HIBADH: variants seen among roughly 807,000 people sequenced by gnomAD.
HIBADH encodes 3-hydroxyisobutyrate dehydrogenase.
A neutral mutation model predicts 36.1 loss-of-function variants in HIBADH; 25 were observed. That is an observed-to-expected ratio of 0.69 (90% CI 0.50 to 0.97). The LOEUF is 0.97. Ranked by LOEUF, HIBADH falls within the 50% of genes least tolerant of loss-of-function variation. HIBADH has a pLI of 0.00. For synonymous variants in HIBADH, 160 were observed against 149.5 expected, an observed-to-expected ratio of 1.07 and a Z score of -0.51; for missense variants, 421 against 418.0, an observed-to-expected ratio of 1.01 and a Z score of -0.06.
intron 4 of HIBADH, among the ~76,000 whole-genome samples, chr7:27,565,823 A>G (rs1038420776): frequency 2.0e-5 from 3 of 152,048 alleles, no homozygotes; most frequent in Non-Finnish European, 4.4e-5. Flanking sequence ...GTTCCCTTCT[A>G]TTCCTAGTTT....
At chr7:27,527,377 A>G (rs1473859580) in intron 7 of HIBADH, among the ~76,000 whole-genome samples, 1 of 152,190 alleles carries the variant, frequency 6.6e-6, no homozygotes, top group African/African-American at 2.4e-5. Context: ...ATCAGTTAAG[A>G]TGTATTTGTG....
chr7:27,542,599 G>A (rs1284095709), intron 5 of HIBADH, among the ~76,000 whole-genome samples: 2 of 151,662 alleles, frequency 1.3e-5, no homozygotes, highest in Non-Finnish European at 2.9e-5. Flanking sequence ...CTATAAGTGT[G>A]TGTCACCACA....
At chr7:27,581,504 A>T in intron 4 of HIBADH, among the ~76,000 whole-genome samples, 1 of 152,178 alleles carries the variant, frequency 6.6e-6, no homozygotes, top group East Asian at 1.9e-4. Flanking sequence ...TTCCTTTAGA[A>T]TTATTCAATT....
chr7:27,596,209 G>C (rs1213441055), intron 4 of HIBADH, among the ~76,000 whole-genome samples: 1 of 152,152 alleles, frequency 6.6e-6, no homozygotes. Flanking sequence ...GTGTCCTCTG[G>C]AGGGGAGGCA....
At chr7:27,580,143 T>C (rs1407392139) in intron 4 of HIBADH, among the ~76,000 whole-genome samples, 1 of 152,198 alleles carries the variant, frequency 6.6e-6, no homozygotes, top group African/African-American at 2.4e-5. Context: ...TTCCCCTGAT[T>C]TTAATGAAAG....
intron 4 of HIBADH, among the ~76,000 whole-genome samples, 169 bp from the exon 5 acceptor site, chr7:27,543,269 A>G (rs1375550835): frequency 6.6e-6 from 1 of 152,218 alleles, no homozygotes; most frequent in African/African-American, 2.4e-5. Flanking sequence ...TCAGCAATCA[A>G]GTATCACCCA....
At chr7:27,648,206 T>C (rs1786111984) in intron 2 of HIBADH, among the ~76,000 whole-genome samples, 2 of 152,204 alleles carry the variant, frequency 1.3e-5, no homozygotes, top group South Asian at 4.1e-4. Context: ...TTCTCTACTA[T>C]ACGACTGATC....
intron 6 of HIBADH, among the ~76,000 whole-genome samples, chr7:27,532,676 C>T (rs1349943155): frequency 6.6e-6 from 1 of 152,170 alleles, no homozygotes; most frequent in African/African-American, 2.4e-5. Context: ...ATGGATTTTA[C>T]TAAGGATTGT....
chr7:27,629,796 A>T (rs1785715159), intron 3 of HIBADH, among the ~76,000 whole-genome samples: 1 of 152,174 alleles, frequency 6.6e-6, no homozygotes, highest in Non-Finnish European at 1.5e-5. Context: ...ATAAACATGA[A>T]GCTAAGATGT....
Position 27,652,508 on chromosome 7 carries a change from A to G in HIBADH, c.92-2875T>C, listed in dbSNP as rs536623525. Among the ~76,000 whole-genome samples, 3 of 152,320 alleles carry G rather than the reference A, an allele frequency of 2.0e-5. No homozygotes were observed. In the South Asian group the frequency reaches 6.2e-4, roughly 32 times the overall value. ...AGCCTGGAGGCAAGAAGACCAATAT[A>G]AAAGTGACAGTAATCCTCTAGATGC... On this transcript the variant is annotated intron_variant, in intron 1 of 7. Transcript: ENST00000265395.
intron 2 of HIBADH, among the ~76,000 whole-genome samples, chr7:27,640,519 G>A (rs1172015246): frequency 6.6e-6 from 1 of 152,198 alleles, no homozygotes; most frequent in African/African-American, 2.4e-5. Flanking sequence ...GACAGAGAGA[G>A]ACCCTGTCTC....
rs999699792 is a variant in HIBADH, at chr7:27,662,776, A to C, written c.13T>G (p.Leu5Val). 46 of 1,464,348 alleles carry C rather than the reference A, an allele frequency of 3.1e-5. No homozygotes were observed. The highest frequency in any genetic ancestry group is 4.1e-5 in the Non-Finnish European group (45 of 1,107,304). 90.7% of individuals were successfully genotyped at this position (1,464,348 alleles called of 1,614,324 possible). The change falls in exon 1 of 8, where the codon TTA (leucine) becomes GTA (valine). Residue 5 changes from leucine (L) to valine (V), a missense_variant. Coordinates refer to ENST00000265395, the MANE Select transcript of HIBADH (RefSeq NM_152740.4). The stretch of plus-strand genomic sequence containing the variant: ...CCGGAGGCAGCTCCGAGGAGCCGTA[A>C]GGAGGCTGCCATGCTGCGCCCGCCC... MAASLRLLGAASGLR... is the reference protein window; with the variant it reads MAASVRLLGAASGLR...
At chr7:27,586,369 A>AGAAG (rs1163002988) in intron 4 of HIBADH, among the ~76,000 whole-genome samples, 1 of 138,566 alleles carries the variant, frequency 7.2e-6, no homozygotes, top group Admixed American at 7.2e-5. Context: ...AGGGAGAGAG[A>AGAAG]GAAGGAAGGA....
intron 4 of HIBADH, among the ~76,000 whole-genome samples, chr7:27,618,217 G>T (rs1475807124): frequency 6.6e-6 from 1 of 152,172 alleles, no homozygotes; most frequent in East Asian, 1.9e-4. Flanking sequence ...GGCCAGGCAA[G>T]CTGGAGGGCT....
intron 4 of HIBADH, among the ~76,000 whole-genome samples, chr7:27,594,106 T>C (rs1583586759): frequency 2.0e-5 from 3 of 150,434 alleles, no homozygotes; most frequent in East Asian, 3.9e-4. Context: ...GAATAAGCTG[T>C]TGAAGAAATG....
At chr7:27,568,624 AT>A (rs201618024) in intron 4 of HIBADH, among the ~76,000 whole-genome samples, 6 of 151,528 alleles carry the variant, frequency 4.0e-5, no homozygotes, top group Admixed American at 3.3e-4. Context: ...GGCCCAGCTA[AT>A]TTTTTTTTAA....
intron 4 of HIBADH, among the ~76,000 whole-genome samples, chr7:27,560,890 C>A (rs1784456500): frequency 6.6e-6 from 1 of 152,144 alleles, no homozygotes; most frequent in South Asian, 2.1e-4. Context: ...TATCATTTTC[C>A]ACAGTGGTTG....
intron 4 of HIBADH, among the ~76,000 whole-genome samples, chr7:27,552,475 T>C (rs1327386615): frequency 6.6e-6 from 1 of 152,204 alleles, no homozygotes; most frequent in African/African-American, 2.4e-5. Flanking sequence ...ATCATTATTT[T>C]TCAGAGTAAG....
chr7:27,562,759 T>C (rs921849848), intron 4 of HIBADH, among the ~76,000 whole-genome samples: 1 of 152,206 alleles, frequency 6.6e-6, no homozygotes, highest in Non-Finnish European at 1.5e-5. Context: ...CACTCAGCCT[T>C]TGCCATTTCT....
Sources: allele counts gnomAD v4.1 joint callset (sites outside exome capture counted in the v4.1 genomes callset), GRCh38; gene constraint gnomAD v4.1.1; transcripts MANE v1.5; gene names NCBI Gene and HGNC (gene_info 2026-07-23, HGNC 2026-07-21).